Variants in MAP7 observed in about 807,000 individuals in gnomAD.
MAP7 encodes the protein ensconsin.
In MAP7, 52 loss-of-function variants were observed where a neutral mutation model predicts 94.8. That is an observed-to-expected ratio of 0.55 (90% confidence interval 0.44 to 0.69). MAP7 has a LOEUF of 0.69. Among genes scored for constraint, MAP7 ranks in the 30% least tolerant of loss-of-function variants. The probability of loss-of-function intolerance (pLI) is 0.00; values close to 1 mark genes in which losing one functional copy is unlikely to be tolerated. For missense variants in MAP7, 940 were observed against 964.6 expected, an observed-to-expected ratio of 0.97 and a Z score of 0.34; for synonymous variants, 350 against 357.0, an observed-to-expected ratio of 0.98 and a Z score of 0.22.
In MAP7 at chr6:136,391,554, A is replaced by AC. The variant is rs1461151637; in HGVS notation, c.245-2038_245-2037insG. 2.5e-3 allele frequency among the ~76,000 whole-genome samples: 202 copies of AC among 81,968 alleles called. 4 individuals carry two copies. The highest frequency in any genetic ancestry group is 3.4e-3 in the South Asian group (7 of 2,086). 53.8% of individuals were successfully genotyped at this position (81,968 alleles called of 152,430 possible). On this transcript the variant is annotated intron_variant, in intron 3 of 17. Transcript: ENST00000354570. ...TACCCTAAAACTTAGAGTATAATAAAAAACAACAACAACAACAACAACAAC... is the reference window on the plus strand; with the variant it reads ...TACCCTAAAACTTAGAGTATAATAAACAAACAACAACAACAACAACAACAAC...
chr6:136,483,318 T>C (rs1035020753), intron 1 of MAP7, among the ~76,000 whole-genome samples: 3 of 151,590 alleles, frequency 2.0e-5, no homozygotes, highest in Non-Finnish European at 2.9e-5. Flanking sequence ...TGAGTACACA[T>C]GGACACCAAG....
intron 3 of MAP7, among the ~76,000 whole-genome samples, chr6:136,397,177 A>C (rs1280405656): frequency 6.6e-6 from 1 of 152,228 alleles, no homozygotes; most frequent in African/African-American, 2.4e-5. Context: ...TGCTAAATAT[A>C]GGTCATGCAA....
chr6:136,383,640 A>C, intron 6 of MAP7, 31 bp downstream of exon 6: 2 of 1,206,932 alleles, frequency 1.7e-6, no homozygotes, highest in Non-Finnish European at 2.4e-6. Context: ...AGTAAATAAC[A>C]GACACTTTTT....
Position 136,360,783 on chromosome 6 carries a change from G to A in MAP7, c.1717C>T (p.Arg573Cys), listed in dbSNP as rs774573471. The part of the protein sequence containing the change: ...RAQRQKEEEA[R>C]VREEAERVRQ... The stretch of plus-strand genomic sequence containing the variant: ...ACCCTCTCTGCTTCTTCACGAACGC[G>A]AGCTTCTTCTTCTTTCTGAAAACAG... The change falls in exon 13 of 18, where the codon CGC (arginine) becomes TGC (cysteine). Residue 573 changes from arginine to cysteine, a missense_variant. Physicochemically the swap from Arg to Cys is radical, Grantham distance 180 (BLOSUM62 -3). Coordinates refer to ENST00000354570, the MANE Select transcript of MAP7 (RefSeq NM_003980.6). The A allele has an allele frequency of 1.8e-5, 29 of 1,613,556 alleles. No homozygotes were observed. Among genetic ancestry groups the A allele is most frequent in the Non-Finnish European group, 2.3e-5 (27 of 1,180,024 alleles).
chr6:136,453,173 G>A lies in MAP7; in HGVS notation c.68-31374C>T, dbSNP rs180808789. Among the ~76,000 whole-genome samples, 5 of 152,208 alleles carry A rather than the reference G, an allele frequency of 3.3e-5. No individual in the cohort carries two copies. In the East Asian group the frequency reaches 7.7e-4, roughly 24 times the overall value. On this transcript the variant is annotated intron_variant, in intron 1 of 17. Coordinates refer to ENST00000354570, the MANE Select transcript of MAP7 (RefSeq NM_003980.6). ...AGTGTTCTTGCCAACTGAGAACTCG[G>A]GAAAAGTTATGTTTTCCCCCATGCT...
At chr6:136,535,706 T>G (rs937064378) in intron 1 of MAP7, among the ~76,000 whole-genome samples, 1 of 147,910 alleles carries the variant, frequency 6.8e-6, no homozygotes, top group Non-Finnish European at 1.5e-5. Flanking sequence ...CTTAGAAGCT[T>G]TTTTTTTCTT....
intron 1 of MAP7, among the ~76,000 whole-genome samples, chr6:136,548,467 A>T (rs1829898540): frequency 6.6e-6 from 1 of 152,232 alleles, no homozygotes; most frequent in Non-Finnish European, 1.5e-5. Flanking sequence ...CAGTGAAATT[A>T]TAAAGTATAA....
chr6:136,516,372 G>A (rs1001875743), intron 1 of MAP7, among the ~76,000 whole-genome samples: 1 of 152,066 alleles, frequency 6.6e-6, no homozygotes, highest in Non-Finnish European at 1.5e-5. Context: ...TGCCAGGGCT[G>A]TTCTTGAACT....
chr6:136,458,011 T>C (rs1462476847), intron 1 of MAP7, among the ~76,000 whole-genome samples: 1 of 152,140 alleles, frequency 6.6e-6, no homozygotes. Flanking sequence ...GTAGATGACA[T>C]GATCTTATTT....
chr6:136,399,492 T>C (rs1327330632), intron 3 of MAP7, among the ~76,000 whole-genome samples: 1 of 151,950 alleles, frequency 6.6e-6, no homozygotes, highest in Non-Finnish European at 1.5e-5. Flanking sequence ...TACAGGCACA[T>C]GCCACCATGT....
intron 1 of MAP7, chr6:136,525,779 T>C: frequency 6.6e-7 from 1 of 1,509,208 alleles, no homozygotes; most frequent in Non-Finnish European, 8.8e-7. Flanking sequence ...ATAGGCAGTG[T>C]GGGAGACAAG....
intron 17 of MAP7, 61 bp downstream of exon 17, chr6:136,345,795 G>C (rs761573624): frequency 2.3e-6 from 3 of 1,317,966 alleles, no homozygotes; most frequent in African/African-American, 2.9e-5. Context: ...GCAGCAGTTC[G>C]TGTCCTCCTG....
Position 136,395,418 on chromosome 6 carries a change from T to G in MAP7, c.245-5901A>C, listed in dbSNP as rs200207133. ...CCATTTTTAATTTGGATTTTTTTTT[T>G]TTTTTTTTTTTGCACTATTGAGTTC... On this transcript the variant is annotated intron_variant, in intron 3 of 17. Coordinates refer to ENST00000354570, the MANE Select transcript of MAP7 (RefSeq NM_003980.6). Among the ~76,000 whole-genome samples the G allele has an allele frequency of 8.5e-3, 1,287 of 150,954 alleles. 57 individuals are homozygous for G. In the East Asian group the frequency reaches 0.13, roughly 15 times the overall value.
chr6:136,546,911 T>C (rs1249363130), intron 1 of MAP7, among the ~76,000 whole-genome samples: 1 of 152,196 alleles, frequency 6.6e-6, no homozygotes, highest in Non-Finnish European at 1.5e-5. Context: ...CTATCAATAT[T>C]ACATAAATGC....
At chr6:136,517,085 G>A (rs775697338) in intron 1 of MAP7, among the ~76,000 whole-genome samples, 1 of 152,096 alleles carries the variant, frequency 6.6e-6, no homozygotes. Context: ...GGAATAACAG[G>A]TACACTCCCT....
chr6:136,356,571 C>T (rs548598375), intron 16 of MAP7, 121 bp downstream of exon 16: 24 of 722,430 alleles, frequency 3.3e-5, no homozygotes, highest in African/African-American at 3.1e-4. Context: ...ACTAGCTCAA[C>T]CAAAAATCAA....
chr6:136,412,907 T>A (rs1441090301), intron 2 of MAP7, among the ~76,000 whole-genome samples: 1 of 152,192 alleles, frequency 6.6e-6, no homozygotes, highest in Non-Finnish European at 1.5e-5. Context: ...ACACCTGTAA[T>A]CCTAGCACTT....
intron 1 of MAP7, among the ~76,000 whole-genome samples, chr6:136,433,308 C>T (rs1432864307): frequency 1.3e-5 from 2 of 152,208 alleles, no homozygotes; most frequent in Non-Finnish European, 2.9e-5. Context: ...ATTAGATATT[C>T]TAGATTCATC....
intron 2 of MAP7, among the ~76,000 whole-genome samples, chr6:136,417,727 G>A (rs1175268241): frequency 6.6e-6 from 1 of 152,174 alleles, no homozygotes; most frequent in Non-Finnish European, 1.5e-5. Flanking sequence ...TTCTAACTCA[G>A]TCCTGTGCCC....
Sources: gnomAD v4.1 joint callset for allele counts (sites outside exome capture counted in the v4.1 genomes callset) on GRCh38, gnomAD v4.1.1 for gene constraint, MANE v1.5 for transcripts, NCBI Gene and HGNC (gene_info 2026-07-23, HGNC 2026-07-21) for gene names.